The following ASCC3 variants were observed in gnomAD, a reference collection of about 807,000 sequenced individuals.
The protein encoded by ASCC3 is ASC-1 complex subunit P200.
ASCC3 carries 158 observed loss-of-function variants against 256.3 expected under a neutral mutation model. The ratio of observed to expected loss-of-function variants is 0.62; its 90% CI spans 0.54 to 0.70. The LOEUF (loss-of-function observed/expected upper bound fraction) is 0.70, where lower values mean the gene tolerates loss of function less well. Ranked by LOEUF, ASCC3 falls within the 30% of genes least tolerant of loss-of-function variation. The pLI, the probability that ASCC3 is intolerant of heterozygous loss-of-function variation, is 0.00. For synonymous variants in ASCC3, 948 were observed against 883.4 expected (o/e 1.07, Z -1.30); for missense variants, 2,259 against 2,626.0 (o/e 0.86, Z 3.05).
chr6:100,672,863 A>G (rs1776819135), intron 14 of ASCC3, among the ~76,000 whole-genome samples: 1 of 152,100 alleles, frequency 6.6e-6, no homozygotes, highest in Non-Finnish European at 1.5e-5. Context: ...GGTTGACAGC[A>G]CTTTATTTAT....
intron 29 of ASCC3, among the ~76,000 whole-genome samples, chr6:100,626,402 T>G (rs1172818721): frequency 1.3e-5 from 2 of 152,040 alleles, no homozygotes; most frequent in African/African-American, 4.8e-5. Context: ...ATCCTAACTA[T>G]GAGAAATAAA....
chr6:100,878,070 T>C lies in ASCC3; in HGVS notation c.-42+2991A>G, dbSNP rs568348957. ...TTTAAGGGATTCTCAAAGGTAATCT[T>C]AGCTATTCACAGTTTCCACCTAACA... On this transcript the variant is annotated intron_variant, in intron 1 of 41. Transcript: ENST00000369162. Among the ~76,000 whole-genome samples, 8 of 152,302 alleles carry C rather than the reference T, an allele frequency of 5.3e-5. No homozygotes were observed. The South Asian group carries it at 8.3e-4, about 16-fold the overall frequency.
At chr6:100,512,310 T>A (rs910718348) in intron 40 of ASCC3, among the ~76,000 whole-genome samples, 1 of 152,148 alleles carries the variant, frequency 6.6e-6, no homozygotes, top group Non-Finnish European at 1.5e-5. Context: ...CTGCTCAAGC[T>A]TTAAGGCCCT....
At chr6:100,675,130 G>GTTTT (rs562151800) in intron 14 of ASCC3, among the ~76,000 whole-genome samples, 7 of 143,730 alleles carry the variant, frequency 4.9e-5, no homozygotes, top group African/African-American at 1.8e-4. Flanking sequence ...GCAAACAGTT[G>GTTTT]TTTTTTTTTT....
intron 17 of ASCC3, 108 bp from the exon 18 acceptor site, chr6:100,652,997 C>A: frequency 1.0e-6 from 1 of 1,003,402 alleles, no homozygotes; most frequent in South Asian, 1.5e-5. Context: ...TTTAGTTAGA[C>A]TTTTTAATTA....
chr6:100,868,054 A>G lies in ASCC3; in HGVS notation c.-41-16T>C. The G allele has an allele frequency of 1.5e-6, 2 of 1,337,336 alleles. No individual in the cohort carries two copies. The highest frequency in any genetic ancestry group is 2.1e-6 in the Non-Finnish European group (2 of 933,584). 82.8% of individuals were successfully genotyped at this position (1,337,336 alleles called of 1,614,324 possible). On this transcript the variant is annotated splice_polypyrimidine_tract_variant and intron_variant, in intron 1 of 41. Transcript: ENST00000369162. Reference sequence around the variant, plus strand: ...AAACCTGAAACTGAAACAAAACAAGATGATATTTATCTGTTCGGAAGAGGT... The same window carrying G: ...AAACCTGAAACTGAAACAAAACAAGGTGATATTTATCTGTTCGGAAGAGGT...
At chr6:100,526,670 A>T (rs1216873012) in intron 37 of ASCC3, among the ~76,000 whole-genome samples, 3 of 152,194 alleles carry the variant, frequency 2.0e-5, no homozygotes, top group African/African-American at 7.2e-5. Flanking sequence ...TTTGGGAGAT[A>T]AAATATAGCT....
intron 4 of ASCC3, among the ~76,000 whole-genome samples, chr6:100,836,667 C>T (rs1390601548): frequency 6.6e-6 from 1 of 152,008 alleles, no homozygotes; most frequent in African/African-American, 2.4e-5. Flanking sequence ...GAATGTTTTA[C>T]ATCTATGTTT....
intron 10 of ASCC3, among the ~76,000 whole-genome samples, chr6:100,742,288 C>T (rs1387636294): frequency 1.3e-5 from 2 of 152,140 alleles, no homozygotes; most frequent in Non-Finnish European, 2.9e-5. Context: ...TTGGCCTGAA[C>T]GTGCCTGAAG....
intron 37 of ASCC3, among the ~76,000 whole-genome samples, chr6:100,536,240 A>G (rs963333139): frequency 4.3e-4 from 66 of 152,328 alleles, no homozygotes; most frequent in Middle Eastern, 3.4e-3. Context: ...TATACCTTAC[A>G]GGTAGAAAGA....
intron 3 of ASCC3, among the ~76,000 whole-genome samples, chr6:100,860,474 G>A (rs1157261588): frequency 6.6e-6 from 1 of 151,856 alleles, no homozygotes; most frequent in Non-Finnish European, 1.5e-5. Context: ...AAAAAAGAGA[G>A]AAACTGCCAC....
chr6:100,662,418 T>C lies in ASCC3; in HGVS notation c.2405A>G (p.His802Arg), dbSNP rs1776270868. Residue 802 changes from histidine to arginine, a missense_variant, in exon 15 of 42, where the codon CAT (histidine) becomes CGT (arginine). Coordinates refer to ENST00000369162, the MANE Select transcript of ASCC3 (RefSeq NM_006828.4). ...AGCTGTACACACTAGGACTTTGATA[T>C]GCCCATTAGAAAACAAGTTTTCAAC... ...NLVENLFSNG[H>R]IKVLVCTATL... 2 of 1,613,288 alleles carry C rather than the reference T, an allele frequency of 1.2e-6. No individual in the cohort carries two copies. Among genetic ancestry groups the C allele is most frequent in the Non-Finnish European group, 8.5e-7 (1 of 1,179,556 alleles).
At chr6:100,545,187 CT>C (rs149884835) in intron 36 of ASCC3, among the ~76,000 whole-genome samples, 4,723 of 151,638 alleles carry the variant, frequency 0.031, 240 homozygotes, top group African/African-American at 0.11. Context: ...TTTTTTGTTG[CT>C]TTTTTTTGAG....
chr6:100,676,752 A>ACACACACACT (rs757459462), intron 14 of ASCC3, among the ~76,000 whole-genome samples: 1 of 110,738 alleles, frequency 9.0e-6, no homozygotes, highest in African/African-American at 3.5e-5. Flanking sequence ...GCGTGCGCGC[A>ACACACACACT]CACACACACT....
chr6:100,852,370 G>A (rs184193753), intron 3 of ASCC3, among the ~76,000 whole-genome samples: 7 of 152,286 alleles, frequency 4.6e-5, no homozygotes, highest in Admixed American at 3.3e-4. Flanking sequence ...TGGACAACGC[G>A]TGTGGTACAC....
At chr6:100,818,889 T>TTTC (rs2114414557) in intron 4 of ASCC3, among the ~76,000 whole-genome samples, 1 of 152,152 alleles carries the variant, frequency 6.6e-6, no homozygotes, top group South Asian at 2.1e-4. Context: ...ATCAATTGTA[T>TTTC]TTCTATAACT....
intron 10 of ASCC3, among the ~76,000 whole-genome samples, chr6:100,744,179 A>G (rs867219685): frequency 6.6e-5 from 10 of 152,320 alleles, no homozygotes; most frequent in Middle Eastern, 3.4e-3. Context: ...TACACCGTGT[A>G]TCATTTTACT....
rs760974556 is a variant in ASCC3, at chr6:100,864,109, T to C, written c.196A>G (p.Ile66Val). ...AATATATCTTTTAAGTCTTCATTTA[T>C]ACTTTGCATTTTACTCTTCTCCAGT... is the stretch of plus-strand genomic sequence containing the variant. ...EKLEKSKMQS[I>V]NEDLKDILHA... Residue 66 changes from isoleucine (I) to valine (V), a missense_variant, in exon 3 of 42, where the codon ATA (isoleucine) becomes GTA (valine). By Grantham distance (29) the Ile-to-Val change is conservative (BLOSUM62 3). Coordinates refer to ENST00000369162, the MANE Select transcript of ASCC3 (RefSeq NM_006828.4). The C allele has an allele frequency of 3.8e-6, 6 of 1,599,616 alleles. No individual in the cohort carries two copies. The African/African-American group carries it at 5.4e-5, about 14-fold the overall frequency.
At chr6:100,780,626 T>C (rs1174703312) in intron 8 of ASCC3, among the ~76,000 whole-genome samples, 1 of 152,048 alleles carries the variant, frequency 6.6e-6, no homozygotes, top group African/African-American at 2.4e-5. Context: ...AAAAACTACA[T>C]ATTAAGGAGT....
Sources: allele counts gnomAD v4.1 joint callset (sites outside exome capture counted in the v4.1 genomes callset), GRCh38; gene constraint gnomAD v4.1.1; transcripts MANE v1.5; gene names NCBI Gene and HGNC (gene_info 2026-07-23, HGNC 2026-07-21).